PALM2AKAP2: variants seen among roughly 807,000 people sequenced by gnomAD.
The protein encoded by PALM2AKAP2 is PALM2 and AKAP2 fusion, also known as PALM2-AKAP2 fusion protein.
A neutral mutation model predicts 71.5 loss-of-function variants in PALM2AKAP2; 37 were observed. The observed-to-expected ratio is 0.52, with a 90% CI of 0.40 to 0.68. The LOEUF is 0.68. Among genes scored for constraint, PALM2AKAP2 ranks in the 30% least tolerant of loss-of-function variants. The pLI is 0.00. For missense variants in PALM2AKAP2, 1,224 were observed against 1,191.8 expected, an observed-to-expected ratio of 1.03 and a Z score of -0.40; for synonymous variants, 468 against 478.8, an observed-to-expected ratio of 0.98 and a Z score of 0.29.
At chr9:109,895,896 G>A (rs558215866) in intron 3 of PALM2AKAP2, among the ~76,000 whole-genome samples, 1 of 152,112 alleles carries the variant, frequency 6.6e-6, no homozygotes, top group African/African-American at 2.4e-5. Context: ...CTGAGCATAA[G>A]GGGGGAAAAT....
chr9:109,950,204 G>A (rs147956631), intron 6 of PALM2AKAP2, among the ~76,000 whole-genome samples: 65 of 151,866 alleles, frequency 4.3e-4, no homozygotes, highest in African/African-American at 1.5e-3. Context: ...GAGGCAGGAG[G>A]ATCACTTGAG....
intron 3 of PALM2AKAP2, among the ~76,000 whole-genome samples, chr9:110,163,365 A>C (rs1284658116): frequency 6.6e-6 from 1 of 152,198 alleles, no homozygotes; most frequent in Non-Finnish European, 1.5e-5. Flanking sequence ...TAAGATAATA[A>C]AATAATAAAA....
At chr9:109,839,404 T>C (rs1204155472) in intron 1 of PALM2AKAP2, among the ~76,000 whole-genome samples, 4 of 152,176 alleles carry the variant, frequency 2.6e-5, no homozygotes, top group African/African-American at 9.6e-5. Context: ...TAAGGGCTAT[T>C]TATGACAAAC....
intron 1 of PALM2AKAP2, among the ~76,000 whole-genome samples, chr9:109,742,896 CA>C (rs1484688204): frequency 6.6e-6 from 1 of 152,136 alleles, no homozygotes; most frequent in East Asian, 1.9e-4. Context: ...ACCACAGCCA[CA>C]AAAAGCATGC....
intron 1 of PALM2AKAP2, among the ~76,000 whole-genome samples, chr9:109,662,789 G>A (rs939311637): frequency 2.0e-5 from 3 of 152,070 alleles, no homozygotes; most frequent in Non-Finnish European, 4.4e-5. Flanking sequence ...CTGTGAATCT[G>A]TCTGGTCCTG....
chr9:109,782,987 A>G (rs944228805), intron 1 of PALM2AKAP2, among the ~76,000 whole-genome samples: 2 of 151,792 alleles, frequency 1.3e-5, no homozygotes, highest in Non-Finnish European at 2.9e-5. Flanking sequence ...AGCACTCCTG[A>G]AGTCTCTCTG....
chr9:110,056,276 G>T (rs554676695), intron 1 of PALM2AKAP2, among the ~76,000 whole-genome samples: 1 of 152,220 alleles, frequency 6.6e-6, no homozygotes, highest in Non-Finnish European at 1.5e-5. Flanking sequence ...TTACATTACC[G>T]TGATGTCATT....
intron 6 of PALM2AKAP2, among the ~76,000 whole-genome samples, chr9:109,967,477 T>C (rs1439443964): frequency 6.6e-6 from 1 of 151,990 alleles, no homozygotes; most frequent in Non-Finnish European, 1.5e-5. Flanking sequence ...TGGCACGATC[T>C]TGGCTCACTG....
intron 2 of PALM2AKAP2, among the ~76,000 whole-genome samples, chr9:109,880,288 T>C (rs540800483): frequency 1.3e-5 from 2 of 152,346 alleles, no homozygotes; most frequent in South Asian, 2.1e-4. Flanking sequence ...ATGTTCATAA[T>C]TGTTAAATCT....
intron 2 of PALM2AKAP2, among the ~76,000 whole-genome samples, chr9:109,871,776 T>C (rs1178633398): frequency 2.0e-5 from 3 of 152,166 alleles, no homozygotes; most frequent in African/African-American, 4.8e-5. Context: ...CAAAAACTTA[T>C]AATTTTTATA....
intron 1 of PALM2AKAP2, among the ~76,000 whole-genome samples, chr9:109,719,451 G>A: frequency 6.6e-6 from 1 of 152,166 alleles, no homozygotes; most frequent in East Asian, 1.9e-4. Flanking sequence ...TAAAGAAGTG[G>A]CTCAAGATTT....
intron 1 of PALM2AKAP2, among the ~76,000 whole-genome samples, chr9:109,700,627 T>G (rs1419637743): frequency 6.6e-6 from 1 of 152,218 alleles, no homozygotes; most frequent in Non-Finnish European, 1.5e-5. Flanking sequence ...GATAGATTGC[T>G]TGTTCACAAT....
chr9:109,666,294 G>A (rs1052616811), intron 1 of PALM2AKAP2, among the ~76,000 whole-genome samples: 8 of 152,158 alleles, frequency 5.3e-5, no homozygotes, highest in African/African-American at 1.2e-4. Context: ...GCTGCAGATC[G>A]GAGCTGTTCC....
intron 1 of PALM2AKAP2, among the ~76,000 whole-genome samples, chr9:109,662,237 C>G (rs1321857989): frequency 6.6e-6 from 1 of 152,292 alleles, no homozygotes; most frequent in East Asian, 1.9e-4. Context: ...GCATCCCTGT[C>G]TTGTGCCAGT....
chr9:109,660,557 T>C (rs1827377698), intron 1 of PALM2AKAP2, among the ~76,000 whole-genome samples: 1 of 152,214 alleles, frequency 6.6e-6, no homozygotes, highest in African/African-American at 2.4e-5. Flanking sequence ...TAGTATTCCA[T>C]GGTGTATATG....
At chr9:110,005,991 C>A (rs1832773304) in intron 6 of PALM2AKAP2, among the ~76,000 whole-genome samples, 1 of 152,172 alleles carries the variant, frequency 6.6e-6, no homozygotes, top group Admixed American at 6.5e-5. Context: ...GGCAATGCCT[C>A]ACCCTGCTTC....
At chr9:109,971,063 A>C (rs142935546) in intron 6 of PALM2AKAP2, among the ~76,000 whole-genome samples, 136 of 152,326 alleles carry the variant, frequency 8.9e-4, no homozygotes, top group African/African-American at 3.2e-3. Flanking sequence ...ACTACACTGC[A>C]GCCTGGGCAA....
intron 1 of PALM2AKAP2, among the ~76,000 whole-genome samples, chr9:109,833,303 C>T (rs1015786955): frequency 1.2e-4 from 18 of 152,252 alleles, no homozygotes; most frequent in East Asian, 3.9e-4. Flanking sequence ...TGCAGTAAGC[C>T]GGGATCACGC....
At chr9:109,881,183 C>A (rs935289824) in intron 3 of PALM2AKAP2, among the ~76,000 whole-genome samples, 1 of 152,158 alleles carries the variant, frequency 6.6e-6, no homozygotes, top group Non-Finnish European at 1.5e-5. Context: ...ATGGCCTCCA[C>A]CTCTATCCAT....
Sources: gnomAD v4.1 joint callset for allele counts (sites outside exome capture counted in the v4.1 genomes callset) on GRCh38, gnomAD v4.1.1 for gene constraint, MANE v1.5 for transcripts, NCBI Gene and HGNC (gene_info 2026-07-23, HGNC 2026-07-21) for gene names.